KIF1C: variants seen among roughly 807,000 people sequenced by gnomAD.
KIF1C encodes the protein kinesin-like protein KIF1C.
In KIF1C, 61 loss-of-function variants were observed where a neutral mutation model predicts 126.5. That is an observed-to-expected ratio of 0.48 (90% confidence interval 0.39 to 0.60). The LOEUF (loss-of-function observed/expected upper bound fraction) is 0.60, where lower values mean the gene tolerates loss of function less well. Among genes scored for constraint, KIF1C ranks in the 20% least tolerant of loss-of-function variants. The pLI is 0.00. For missense variants in KIF1C, 1,315 were observed against 1,489.2 expected, an observed-to-expected ratio of 0.88 and a Z score of 1.93; for synonymous variants, 640 against 580.6, an observed-to-expected ratio of 1.10 and a Z score of -1.47.
Position 5,002,845 on chromosome 17 carries a change from G to A in KIF1C, c.720+3G>A. On this transcript the variant is annotated splice_donor_region_variant and intron_variant, in intron 8 of 22. Transcript: ENST00000320785. ...TCACGGGGCTGGACTCGGAGAAGGT[G>A]GGATCGCCCCCCCCCCCACTCCCCC... 1.9e-6 allele frequency: 3 copies of A among 1,588,640 alleles called. No individual in the cohort carries two copies. Among genetic ancestry groups the A allele is most frequent in the Non-Finnish European group, 2.6e-6 (3 of 1,172,294 alleles).
chr17:5,004,128 T>C, intron 11 of KIF1C, 55 bp downstream of exon 11: 1 of 1,216,774 alleles, frequency 8.2e-7, no homozygotes, highest in Non-Finnish European at 1.2e-6. Flanking sequence ...CAAACTCTTT[T>C]GATACATCTG....
At chr17:5,003,518 GC>G in intron 8 of KIF1C, 93 bp from the exon 9 acceptor site, 1 of 835,508 alleles carries the variant, frequency 1.2e-6, no homozygotes, top group Non-Finnish European at 1.9e-6. Context: ...TCTAGCCCTT[GC>G]CAGCTGCCCA....
At chr17:5,000,633 G>A (rs1393885543) in intron 3 of KIF1C, 139 bp from the exon 4 acceptor site, 2 of 819,976 alleles carry the variant, frequency 2.4e-6, no homozygotes, top group Non-Finnish European at 4.0e-6. Context: ...GAGGGGGTGG[G>A]GAATGTTAAA....
At position 5,023,952 on chromosome 17, in the gene KIF1C, G is replaced by A. The variant is rs1838334213; in HGVS notation, c.3113G>A (p.Gly1038Asp). The part of the protein sequence containing the change: ...HPRRNSLDGG[G>D]RSRGAGSAQP... The stretch of plus-strand genomic sequence containing the variant: ...CGCAGGAACTCCCTGGATGGAGGGG[G>A]CCGATCCCGGGGAGCGGGTTCTGCA... Residue 1038 changes from glycine (G) to aspartate (D), a missense_variant, in exon 23 of 23, where the codon GGC (glycine) becomes GAC (aspartate). Transcript: ENST00000320785. The surrounding 1 kb of genome is among the most constrained non-coding windows in gnomAD (Gnocchi z 4.2). The A allele has an allele frequency of 5.7e-6, 9 of 1,577,606 alleles. No individual in the cohort carries two copies. Among genetic ancestry groups the A allele is most frequent in the Non-Finnish European group, 7.7e-6 (9 of 1,161,356 alleles).
Position 5,020,495 on chromosome 17 carries a change from A to G in KIF1C, c.1754A>G (p.Asn585Ser). 1 of 1,611,864 alleles carries G rather than the reference A, an allele frequency of 6.2e-7. No homozygotes were observed. The change falls in exon 20 of 23, where the codon AAT becomes AGT. Residue 585 changes from asparagine (N) to serine (S), a missense_variant. This residue lies in a region of KIF1C where 874 missense variants were observed against 1,053.2 expected (regional missense o/e 0.83). Coordinates refer to ENST00000320785, the MANE Select transcript of KIF1C (RefSeq NM_006612.6). This position sits in a 1 kb window ranked among gnomAD's most constrained non-coding sequence, Gnocchi z 5.8. ...TTTTCCCTCCTCCCATCTCTAGGGA[A>G]TAGGATTGTGATGGGCAAGAACCAC... ...VTEPLVLKSG[N>S]RIVMGKNHVF...
chr17:5,010,281 T>A (rs1974832475), intron 16 of KIF1C, among the ~76,000 whole-genome samples: 1 of 152,168 alleles, frequency 6.6e-6, no homozygotes, highest in African/African-American at 2.4e-5. Flanking sequence ...GGGTATTCTA[T>A]TGTGTAGATG....
At position 5,002,667 on chromosome 17, in the gene KIF1C, G is replaced by A. The variant is rs374622389; in HGVS notation, c.608+25G>A. 2.2e-5 allele frequency: 36 copies of A among 1,612,018 alleles called. No homozygotes were observed. In the African/African-American group the frequency reaches 4.1e-4, roughly 19 times the overall value. The stretch of plus-strand genomic sequence containing the variant: ...GGTGAGGCAGGCTGATGGAGCAGAG[G>A]GCAAGGGGGCCAGGGTTGGGAAGGT... On this transcript the variant is annotated intron_variant, in intron 7 of 22. Transcript: ENST00000320785.
Position 5,023,711 on chromosome 17 carries a change from C to T in KIF1C, c.2872C>T (p.Arg958Trp), listed in dbSNP as rs200230098. Residue 958 changes from arginine (R) to tryptophan (W), a missense_variant, in exon 23 of 23, where the codon CGG (arginine) becomes TGG (tryptophan). Physicochemically the swap from Arg to Trp is moderately radical, Grantham distance 101. Around this residue, in one of 2 missense-constraint regions of KIF1C, gnomAD observed 441 missense variants for 436.1 expected, o/e 1.01. Coordinates refer to ENST00000320785, the MANE Select transcript of KIF1C (RefSeq NM_006612.6). This position sits in a 1 kb window ranked among gnomAD's most constrained non-coding sequence, Gnocchi z 4.2. Reference sequence around the variant, plus strand: ...GCAGGGACTGCAGGGCTCTGGGGGCCGGGGCGGGGGGCTGCGCAGGCCCCC... The same window carrying T: ...GCAGGGACTGCAGGGCTCTGGGGGCTGGGGCGGGGGGCTGCGCAGGCCCCC... ...RLQGLQGSGGRGGGLRRPPAR... is the reference protein window; with the variant it reads ...RLQGLQGSGGWGGGLRRPPAR... The T allele has an allele frequency of 2.1e-5, 33 of 1,564,296 alleles. No homozygotes were observed. The highest frequency in any genetic ancestry group is 1.7e-4 in the Middle Eastern group (1 of 5,798).
rs199563353 is a variant in KIF1C at position 5,020,022 on chromosome 17, G to A, written c.1693G>A (p.Gly565Arg). Residue 565 changes from glycine (G) to arginine (R), a missense_variant, in exon 19 of 23, where the codon GGA becomes AGA. Physicochemically the swap from Gly to Arg is moderately radical, Grantham distance 125. Coordinates refer to ENST00000320785, the MANE Select transcript of KIF1C (RefSeq NM_006612.6). The surrounding 1 kb of genome is among the most constrained non-coding windows in gnomAD (Gnocchi z 5.8). ...EVVVTLEPCE[G>R]AETYVNGKLV... ...GGTGGTCACTCTGGAGCCTTGTGAA[G>A]GAGCTGAGACATATGTGAATGGGAA... The A allele has an allele frequency of 1.2e-6, 2 of 1,605,770 alleles. No homozygotes were observed. The highest frequency in any genetic ancestry group is 2.2e-5 in the East Asian group (1 of 44,650).
In KIF1C at chr17:5,000,781, A is replaced by G. The variant is rs1368090910; in HGVS notation, c.116A>G (p.Asn39Ser). 6.8e-6 allele frequency: 11 copies of G among 1,613,860 alleles called. No homozygotes were observed. Among genetic ancestry groups the G allele is most frequent in the Admixed American group, 3.3e-5 (2 of 59,988 alleles). Residue 39 changes from asparagine (N) to serine (S), a missense_variant, in exon 4 of 23, where the codon AAT becomes AGT. Asn to Ser is a conservative substitution (Grantham distance 46). Around this residue, in one of 2 missense-constraint regions of KIF1C, gnomAD observed 874 missense variants for 1,053.2 expected, o/e 0.83. Transcript: ENST00000320785. ...CTCTCCTGCCCCTCAGCCATCATCA[A>G]TCCTAAACAGAGCAAGGATGCCCCC... The part of the protein sequence containing the change: ...SMQGNTTSII[N>S]PKQSKDAPKS...
chr17:5,005,660 C>G (rs1027586152), intron 13 of KIF1C, among the ~76,000 whole-genome samples: 6 of 152,014 alleles, frequency 3.9e-5, no homozygotes, highest in Non-Finnish European at 5.9e-5. Context: ...CTTTTTATCC[C>G]AGAGGGCAGA....
intron 18 of KIF1C, among the ~76,000 whole-genome samples, chr17:5,017,856 G>A (rs898741616): frequency 3.0e-4 from 46 of 152,286 alleles, no homozygotes; most frequent in African/African-American, 1.0e-3. Flanking sequence ...TGTGCTGTGA[G>A]CTCTGCCCTA....
chr17:5,008,188 G>A (rs1244312402), intron 16 of KIF1C, among the ~76,000 whole-genome samples: 1 of 152,188 alleles, frequency 6.6e-6, no homozygotes, highest in East Asian at 1.9e-4. Flanking sequence ...ATAAATCTTT[G>A]CTGAAAGGAA....
rs918230152 is a variant in KIF1C, at chr17:5,001,447, G to T, written c.363+46G>T. ...GGCAGCCAGGGCAGGAGCATCTTTA[G>T]CTGCCCTCTGAGGAAGGAAGGACTA... is the stretch of plus-strand genomic sequence containing the variant. On this transcript the variant is annotated intron_variant, in intron 5 of 22. Transcript: ENST00000320785. 7.6e-6 allele frequency: 12 copies of T among 1,569,464 alleles called. No homozygotes were observed. The African/African-American group carries it at 1.6e-4, about 21-fold the overall frequency.
At position 5,013,808 on chromosome 17, in the gene KIF1C, T is replaced by C. The variant is rs531375199; in HGVS notation, c.1571+76T>C. 348 of 1,127,328 alleles carry C rather than the reference T, an allele frequency of 3.1e-4. 4 individuals carry two copies. The South Asian group carries it at 4.1e-3, about 13-fold the overall frequency. 69.8% of individuals were successfully genotyped at this position (1,127,328 alleles called of 1,614,324 possible). A position where few individuals can be genotyped will look rare whatever the true frequency, so the allele number is the denominator to read the frequency against. On this transcript the variant is annotated intron_variant, in intron 17 of 22. Transcript: ENST00000320785. ...CTGCCAAGGGTTGTCCACATTGGTG[T>C]CTCCCTTCCCTGGTGGTCCCTGGAG...
Position 5,001,308 on chromosome 17 carries a change from CG to C in KIF1C, c.271del (p.Val91CysfsTer17). The C allele has an allele frequency of 6.2e-7, 1 of 1,614,156 alleles. No individual in the cohort carries two copies. Among genetic ancestry groups the C allele is most frequent in the Non-Finnish European group, 8.5e-7 (1 of 1,179,988 alleles). On this transcript the variant is annotated frameshift_variant, in exon 5 of 23. Coordinates refer to ENST00000320785, the MANE Select transcript of KIF1C (RefSeq NM_006612.6). LOFTEE classifies it high-confidence loss of function. ...TGCTCCACGCCTTTGAAGGCTACAA[CG>C]TGTGCATCTTTGCCTATGGGCAGAC... Reference protein sequence around the residue: ...MLLHAFEGYNVCIFAYGQTGA... With the variant: ...MLLHAFEGYNXCIFAYGQTGA...
In KIF1C at chr17:5,007,004, C is replaced by A. The variant is rs1974749459; in HGVS notation, c.1255C>A (p.His419Asn). ...APVSPSSPTT[H>N]NGELEPSFSP... Reference sequence around the variant, plus strand: ...AGTTTCACCCTCATCACCCACCACACATAATGGGGAGCTGGAGCCGTCATT... The same window carrying A: ...AGTTTCACCCTCATCACCCACCACAAATAATGGGGAGCTGGAGCCGTCATT... Residue 419 changes from histidine (H) to asparagine (N), a missense_variant, in exon 14 of 23, where the codon CAT becomes AAT. By Grantham distance (68) the His-to-Asn change is moderately conservative. Coordinates refer to ENST00000320785, the MANE Select transcript of KIF1C (RefSeq NM_006612.6). 6.2e-7 allele frequency: 1 copy of A among 1,611,460 alleles called. No homozygotes were observed. The highest frequency in any genetic ancestry group is 8.5e-7 in the Non-Finnish European group (1 of 1,179,300).
rs539140054 is a variant in KIF1C at position 5,028,312 on chromosome 17, A to C, written c.*4161A>C. ...ATTTTTAGCTTCTCACACCATACCG[A>C]CATATGTTGGTTATTCTTTTAGACA... On this transcript the variant is annotated 3_prime_UTR_variant, in exon 23 of 23. Transcript: ENST00000320785. 5 of 152,252 alleles carry C rather than the reference A, an allele frequency of 3.3e-5. 1 individual carries two copies. The highest frequency in any genetic ancestry group is 1.2e-4 in the African/African-American group (5 of 41,540). 9.4% of individuals were successfully genotyped at this position (152,252 alleles called of 1,614,324 possible).
In KIF1C at chr17:5,000,755, C is replaced by T. The variant is rs1235817620; in HGVS notation, c.107-17C>T. 1.2e-6 allele frequency: 2 copies of T among 1,613,260 alleles called. No individual in the cohort carries two copies. The highest frequency in any genetic ancestry group is 1.1e-5 in the South Asian group (1 of 91,064). On this transcript the variant is annotated splice_polypyrimidine_tract_variant and intron_variant, in intron 3 of 22. Coordinates refer to ENST00000320785, the MANE Select transcript of KIF1C (RefSeq NM_006612.6). ...CTGACCTTGACTTTCCTTCCTTTAC[C>T]CTCTCCTGCCCCTCAGCCATCATCA... is the stretch of plus-strand genomic sequence containing the variant.
Sources: gnomAD v4.1 joint callset for allele counts (sites outside exome capture counted in the v4.1 genomes callset) on GRCh38, gnomAD v4.1.1 for gene constraint, gnomAD v4.1.1 regional missense constraint, Gnocchi (gnomAD v3.1) non-coding constraint, MANE v1.5 for transcripts, NCBI Gene and HGNC (gene_info 2026-07-23, HGNC 2026-07-21) for gene names.